MIA2: variants seen among roughly 807,000 people sequenced by gnomAD.
MIA2 encodes the protein MIA SH3 domain ER export factor 2.
In MIA2, 127 loss-of-function variants were observed where a neutral mutation model predicts 167.8. The observed-to-expected ratio is 0.76, with a 90% CI of 0.66 to 0.88. The LOEUF is 0.88. MIA2 is among the 40% of genes least tolerant of loss of function. The pLI is 0.00. For missense variants in MIA2, 1,690 were observed against 1,624.7 expected (o/e 1.04, Z -0.69); for synonymous variants, 552 against 541.9 (o/e 1.02, Z -0.26).
At chr14:39,362,482 A>G (rs553612051) in intron 23 of MIA2, among the ~76,000 whole-genome samples, 2 of 152,102 alleles carry the variant, frequency 1.3e-5, no homozygotes, top group Non-Finnish European at 2.9e-5. Flanking sequence ...CATGTTGTTC[A>G]TAATAGCCTC....
chr14:39,338,828 G>T (rs75735154), intron 25 of MIA2, among the ~76,000 whole-genome samples: 1 of 152,086 alleles, frequency 6.6e-6, no homozygotes, highest in East Asian at 1.9e-4. Context: ...CTTTTGCCAG[G>T]GTTAACTGTA....
At position 39,246,075 on chromosome 14, in the gene MIA2, T is replaced by A. The variant is rs563195137; in HGVS notation, c.337-836T>A. ...GCTTCTCAAACATTTCAATTATTTT[T>A]AAAAATTTTTATTTATTTATTTATT... is the stretch of plus-strand genomic sequence containing the variant. On this transcript the variant is annotated intron_variant, in intron 3 of 28. Transcript: ENST00000640607. 1.3e-3 allele frequency among the ~76,000 whole-genome samples: 185 copies of A among 143,558 alleles called. 1 individual carries two copies. The highest frequency in any genetic ancestry group is 4.3e-3 in the African/African-American group (171 of 39,380). 94.2% of individuals were successfully genotyped at this position (143,558 alleles called of 152,430 possible).
chr14:39,353,081 T>C (rs868519568), downstream of MIA2, among the ~76,000 whole-genome samples: 3 of 152,164 alleles, frequency 2.0e-5, no homozygotes, highest in South Asian at 2.1e-4. Context: ...CATAATATTT[T>C]ACGTATTAGT....
chr14:39,353,429 G>A (rs1280654369), downstream of MIA2, among the ~76,000 whole-genome samples: 4 of 152,062 alleles, frequency 2.6e-5, no homozygotes, highest in African/African-American at 9.7e-5. Context: ...CCCCATATGA[G>A]TGAGAACATG....
At chr14:39,284,787 G>A (rs1002567554) in intron 9 of MIA2, among the ~76,000 whole-genome samples, 20 of 149,464 alleles carry the variant, frequency 1.3e-4, no homozygotes, top group African/African-American at 4.4e-4. Flanking sequence ...ATTCTTGGGT[G>A]TTTCTCGCAG....
intron 23 of MIA2, chr14:39,386,207 T>A: frequency 7.2e-7 from 1 of 1,395,344 alleles, no homozygotes. Context: ...AAAGCCAGAT[T>A]TTATACCCAG....
chr14:39,352,675 A>C (rs933999089), downstream of MIA2, among the ~76,000 whole-genome samples: 3 of 152,108 alleles, frequency 2.0e-5, no homozygotes, highest in African/African-American at 7.2e-5. Flanking sequence ...TATATTTTAA[A>C]TCACGTCTAG....
rs748647367 is a variant in MIA2 at position 39,234,119 on chromosome 14, C to T, written c.5C>T (p.Ala2Val). Residue 2 changes from alanine to valine, a missense_variant, in exon 1 of 29, where the codon GCA (alanine) becomes GTA (valine). Physicochemically the swap from Ala to Val is moderately conservative, Grantham distance 64. Transcript: ENST00000640607. The stretch of plus-strand genomic sequence containing the variant: ...TTCCCGGTTGCTTGTTTTAGCATGG[C>T]AAAATTTGGCGTTCACAGAATCCTT... M[A>V]KFGVHRILLL... is the part of the protein sequence containing the mutation. The T allele has an allele frequency of 6.2e-6, 10 of 1,600,030 alleles. No homozygotes were observed. Among genetic ancestry groups the T allele is most frequent in the Non-Finnish European group, 7.7e-6 (9 of 1,173,566 alleles).
intron 6 of MIA2, chr14:39,267,572 G>T (rs777798508): frequency 6.2e-7 from 1 of 1,601,418 alleles, no homozygotes; most frequent in South Asian, 1.1e-5. Flanking sequence ...CGCGGGAGCC[G>T]CCGGGGGAAG....
chr14:39,318,910 G>A (rs1465146640), intron 22 of MIA2, among the ~76,000 whole-genome samples: 1 of 152,094 alleles, frequency 6.6e-6, no homozygotes, highest in African/African-American at 2.4e-5. Flanking sequence ...GAGGACTCTT[G>A]TATTTCAAAA....
At chr14:39,257,512 A>G (rs2054874286) in intron 6 of MIA2, among the ~76,000 whole-genome samples, 2 of 143,192 alleles carry the variant, frequency 1.4e-5, no homozygotes, top group African/African-American at 2.6e-5. Context: ...AATACAGCAC[A>G]CTGATGGGTC....
At position 39,313,416 on chromosome 14, in the gene MIA2, G is replaced by A. The variant is rs754080800; in HGVS notation, c.3094G>A (p.Ala1032Thr). The A allele has an allele frequency of 6.2e-7, 1 of 1,602,778 alleles. No homozygotes were observed. The highest frequency in any genetic ancestry group is 2.2e-5 in the East Asian group (1 of 44,490). Residue 1032 changes from alanine (A) to threonine (T), a missense_variant, in exon 19 of 29, where the codon GCC becomes ACC. Transcript: ENST00000640607. ...LSKVDEKISH[A>T]TEELETYRKR... is the part of the protein sequence containing the mutation. ...TAAAGTAGATGAAAAGATCAGCCAT[G>A]CCACTGAAGAGCTGGAGACCTATAG...
At chr14:39,312,312 C>T (rs11624144) in intron 18 of MIA2, among the ~76,000 whole-genome samples, 41,932 of 152,150 alleles carry the variant, frequency 0.28, 5,963 homozygotes, top group East Asian at 0.5. Flanking sequence ...TCTTCCATAT[C>T]CATGCCCGTC....
At chr14:39,269,342 A>G (rs1020606189) in intron 6 of MIA2, among the ~76,000 whole-genome samples, 1 of 151,738 alleles carries the variant, frequency 6.6e-6, no homozygotes, top group African/African-American at 2.4e-5. Context: ...AGCAGTCTTA[A>G]TTCCCACCCC....
intron 23 of MIA2, among the ~76,000 whole-genome samples, chr14:39,369,150 C>G (rs145302988): frequency 1.3e-5 from 2 of 152,178 alleles, no homozygotes; most frequent in East Asian, 3.9e-4. Context: ...ACTGGGAGAT[C>G]TTTTTTCTTG....
intron 23 of MIA2, chr14:39,385,571 C>T (rs867976725): frequency 4.8e-5 from 39 of 815,942 alleles, no homozygotes; most frequent in Middle Eastern, 2.7e-4. Flanking sequence ...TCTCTCAAGG[C>T]GGGTAAGGAT....
At chr14:39,323,610 G>A (rs749592448) in intron 24 of MIA2, among the ~76,000 whole-genome samples, 56 of 151,942 alleles carry the variant, frequency 3.7e-4, no homozygotes, top group Non-Finnish European at 5.6e-4. Context: ...ATTTTATCCC[G>A]TTTCATTAAT....
At chr14:39,280,957 CTCTT>C (rs1318161276) in intron 9 of MIA2, among the ~76,000 whole-genome samples, 26 of 114,944 alleles carry the variant, frequency 2.3e-4, no homozygotes, top group African/African-American at 8.4e-4. Context: ...CTCTCTCTCT[CTCTT>C]GTCTAGGCTG....
chr14:39,370,314 G>A (rs572429956), intron 23 of MIA2: 1 of 172,108 alleles, frequency 5.8e-6, no homozygotes, highest in East Asian at 1.8e-4. Context: ...TTTGAATCTT[G>A]GTCTTCCTTT....
Sources: allele counts gnomAD v4.1 joint callset (sites outside exome capture counted in the v4.1 genomes callset), GRCh38; gene constraint gnomAD v4.1.1; transcripts MANE v1.5; gene names NCBI Gene and HGNC (gene_info 2026-07-23, HGNC 2026-07-21).